MAP3K4: variants seen among roughly 807,000 people sequenced by gnomAD.
The protein encoded by MAP3K4 is mitogen-activated protein kinase kinase kinase 4.
MAP3K4 carries 67 observed loss-of-function variants against 185.6 expected under a neutral mutation model. The ratio of observed to expected loss-of-function variants is 0.36; its 90% CI spans 0.30 to 0.44. MAP3K4 has a LOEUF of 0.44. Among genes scored for constraint, MAP3K4 ranks in the 20% least tolerant of loss-of-function variants. MAP3K4 has a pLI of 1.00. For missense variants in MAP3K4, 1,551 were observed against 1,995.1 expected, an observed-to-expected ratio of 0.78 and a Z score of 4.24; for synonymous variants, 702 against 710.4, an observed-to-expected ratio of 0.99 and a Z score of 0.19.
rs1305635024 is a variant in MAP3K4, at chr6:161,053,315, C to T, written c.1707+3336C>T. ...GGGATGGTACTAAACGGTCACCTCC[C>T]ACCAGGCCCCACCCCCAACATTGGG... On this transcript the variant is annotated intron_variant, in intron 3 of 26. Coordinates refer to ENST00000392142, the MANE Select transcript of MAP3K4 (RefSeq NM_005922.4). The surrounding 1 kb of genome is among the most constrained non-coding windows in gnomAD (Gnocchi z 4.2). 6.6e-6 allele frequency among the ~76,000 whole-genome samples: 1 copy of T among 152,180 alleles called. No individual in the cohort carries two copies. The highest frequency in any genetic ancestry group is 1.5e-5 in the Non-Finnish European group (1 of 68,026).
intron 1 of MAP3K4, among the ~76,000 whole-genome samples, chr6:161,018,469 G>C (rs1782218041): frequency 1.3e-5 from 2 of 152,142 alleles, no homozygotes; most frequent in African/African-American, 4.8e-5. Context: ...AAGGATCACA[G>C]CTTAGTAGTG....
rs146152291 is a variant in MAP3K4, at chr6:160,996,284, C to G, written c.152+4201C>G. Among the ~76,000 whole-genome samples, 579 of 152,272 alleles carry G rather than the reference C, an allele frequency of 3.8e-3. 7 individuals carry two copies. Among genetic ancestry groups the G allele is most frequent in the African/African-American group, 0.013 (540 of 41,558 alleles). On this transcript the variant is annotated intron_variant, in intron 1 of 26. Transcript: ENST00000392142. The surrounding 1 kb of genome is among the most constrained non-coding windows in gnomAD (Gnocchi z 4.5). Reference sequence around the variant, plus strand: ...CACCAAACAGCAGTGATGGCAGAAACTTCATGTTTTCAACTGGGGACTTGT... The same window carrying G: ...CACCAAACAGCAGTGATGGCAGAAAGTTCATGTTTTCAACTGGGGACTTGT...
rs1265602031 is a variant in MAP3K4, at chr6:161,087,571, C to T, written c.2557-117C>T. 11 of 1,023,432 alleles carry T rather than the reference C, an allele frequency of 1.1e-5. No homozygotes were observed. The East Asian group carries it at 2.5e-4, about 23-fold the overall frequency. 63.4% of individuals were successfully genotyped at this position (1,023,432 alleles called of 1,614,324 possible). A position where few individuals can be genotyped will look rare whatever the true frequency, so the allele number is the denominator to read the frequency against. On this transcript the variant is annotated intron_variant, in intron 9 of 26. Transcript: ENST00000392142. The surrounding 1 kb of genome is among the most constrained non-coding windows in gnomAD (Gnocchi z 4.9). ...CTGCAGTTCCCTCACTGCTCCAATT[C>T]ATGCCCTTCCCACTTTCCCTTTCCC...
rs931595279 is a variant in MAP3K4, at chr6:161,054,520, T to C, written c.1707+4541T>C. 1.3e-5 allele frequency among the ~76,000 whole-genome samples: 2 copies of C among 152,102 alleles called. No homozygotes were observed. Among genetic ancestry groups the C allele is most frequent in the African/African-American group, 4.8e-5 (2 of 41,354 alleles). On this transcript the variant is annotated intron_variant, in intron 3 of 26. Coordinates refer to ENST00000392142, the MANE Select transcript of MAP3K4 (RefSeq NM_005922.4). This position sits in a 1 kb window ranked among gnomAD's most constrained non-coding sequence, Gnocchi z 4.2. ...TATTTTAAAAGAACTGAACTAGCAATACTAAAAAAAAATCTGTTTGCAGTT... is the reference window on the plus strand; with the variant it reads ...TATTTTAAAAGAACTGAACTAGCAACACTAAAAAAAAATCTGTTTGCAGTT...
chr6:161,065,830 C>G (rs1246808), intron 3 of MAP3K4, among the ~76,000 whole-genome samples: 6 of 143,654 alleles, frequency 4.2e-5, no homozygotes, highest in African/African-American at 1.3e-4. Flanking sequence ...CCCAGCTACT[C>G]GGGAGGCTGA....
intron 1 of MAP3K4, among the ~76,000 whole-genome samples, chr6:161,011,418 G>C (rs1319200172): frequency 6.6e-6 from 1 of 152,158 alleles, no homozygotes; most frequent in Non-Finnish European, 1.5e-5. Flanking sequence ...GTGTCTGAGT[G>C]AAATGGTGGC....
At chr6:161,038,792 C>G (rs1042441474) in intron 2 of MAP3K4, among the ~76,000 whole-genome samples, 3 of 152,136 alleles carry the variant, frequency 2.0e-5, no homozygotes, top group Non-Finnish European at 4.4e-5. Flanking sequence ...AGTCTGAGCC[C>G]TCATTTTTTT....
Position 161,048,862 on chromosome 6 carries a change from A to C in MAP3K4, c.590A>C (p.Lys197Thr), listed in dbSNP as rs1783870519. ...PYLSLGCSNA[K>T]LPVSVPMPIA... ...CTCAGCCTTGGCTGTAGCAATGCTA[A>C]GCTTCCAGTATCTGTGCCCATGCCT... is the stretch of plus-strand genomic sequence containing the variant. The change falls in exon 3 of 27, where the codon AAG becomes ACG. Residue 197 changes from lysine to threonine, a missense_variant. Physicochemically the swap from Lys to Thr is moderately conservative, Grantham distance 78. This residue lies in a region of MAP3K4 where 287 missense variants were observed against 268.8 expected (regional missense o/e 1.07). Coordinates refer to ENST00000392142, the MANE Select transcript of MAP3K4 (RefSeq NM_005922.4). This position sits in a 1 kb window ranked among gnomAD's most constrained non-coding sequence, Gnocchi z 4.7. 1.2e-6 allele frequency: 2 copies of C among 1,614,094 alleles called. No homozygotes were observed. The highest frequency in any genetic ancestry group is 2.2e-5 in the South Asian group (2 of 91,094).
chr6:161,102,302 G>C (rs1385967661), intron 18 of MAP3K4, among the ~76,000 whole-genome samples: 1 of 152,182 alleles, frequency 6.6e-6, no homozygotes, highest in Non-Finnish European at 1.5e-5. Flanking sequence ...AAATACAAAA[G>C]TGACACTGTG....
intron 1 of MAP3K4, among the ~76,000 whole-genome samples, chr6:161,002,055 T>G (rs990111373): frequency 1.9e-4 from 28 of 150,866 alleles, no homozygotes; most frequent in Non-Finnish European, 3.3e-4. Context: ...AAAAGGTTTT[T>G]TTTTTTTTTT....
At chr6:161,078,191 G>A (rs956418822) in intron 5 of MAP3K4, among the ~76,000 whole-genome samples, 1 of 152,166 alleles carries the variant, frequency 6.6e-6, no homozygotes, top group Admixed American at 6.5e-5. Flanking sequence ...GAAGGAAAGT[G>A]AGCTAAGTAG....
intron 1 of MAP3K4, among the ~76,000 whole-genome samples, chr6:161,010,342 T>A (rs966067138): frequency 9.2e-5 from 14 of 152,216 alleles, no homozygotes; most frequent in East Asian, 5.8e-4. Flanking sequence ...ACAACTTTTT[T>A]AAAAGTATTT....
In MAP3K4 at chr6:161,114,346, A is replaced by AAACCTTCATTTCTAAGTTAAAAGTTAGT. The variant is rs1281979164; in HGVS notation, c.4627-776_4627-749dup. Among the ~76,000 whole-genome samples the AAACCTTCATTTCTAAGTTAAAAGTTAGT allele has an allele frequency of 3.3e-5, 5 of 152,252 alleles. No homozygotes were observed. ...TACAGTATTATAGCAAAAAAGTTAG[A>AAACCTTCATTTCTAAGTTAAAAGTTAGT]AACCTTCATTTCTAAGTTAAAAGTT... On this transcript the variant is annotated intron_variant, in intron 25 of 26. Transcript: ENST00000392142. This position sits in a 1 kb window ranked among gnomAD's most constrained non-coding sequence, Gnocchi z 4.3.
Position 161,093,061 on chromosome 6 carries a change from G to A in MAP3K4, c.3348+5G>A. ...TTACCAGAAGATGACTTCTTGGTAT[G>A]GATTATTCTAAAGTTTTTTTCATTA... On this transcript the variant is annotated splice_donor_5th_base_variant and intron_variant, in intron 14 of 26. Coordinates refer to ENST00000392142, the MANE Select transcript of MAP3K4 (RefSeq NM_005922.4). The surrounding 1 kb of genome is among the most constrained non-coding windows in gnomAD (Gnocchi z 5.2). 6.3e-7 allele frequency: 1 copy of A among 1,598,418 alleles called. No individual in the cohort carries two copies. The highest frequency in any genetic ancestry group is 1.1e-5 in the South Asian group (1 of 89,822).
Position 161,098,467 on chromosome 6 carries a change from C to T in MAP3K4, c.3674+40C>T, listed in dbSNP as rs201437607. The T allele has an allele frequency of 9.5e-6, 15 of 1,580,814 alleles. No homozygotes were observed. In the East Asian group the frequency reaches 3.2e-4, roughly 33 times the overall value. ...CCAGTGTCCCGTACCCTCACCACCCCTTACATGCGCTTACACAGCAACCAT... is the reference window on the plus strand; with the variant it reads ...CCAGTGTCCCGTACCCTCACCACCCTTTACATGCGCTTACACAGCAACCAT... On this transcript the variant is annotated intron_variant, in intron 17 of 26. Coordinates refer to ENST00000392142, the MANE Select transcript of MAP3K4 (RefSeq NM_005922.4). This position sits in a 1 kb window ranked among gnomAD's most constrained non-coding sequence, Gnocchi z 4.4.
rs139061868 is a variant in MAP3K4 at position 161,056,592 on chromosome 6, A to G, written c.1707+6613A>G. Among the ~76,000 whole-genome samples, 1,494 of 152,264 alleles carry G rather than the reference A, an allele frequency of 9.8e-3. 11 individuals are homozygous for G. Among genetic ancestry groups the G allele is most frequent in the Non-Finnish European group, 0.015 (1,023 of 68,006 alleles). On this transcript the variant is annotated intron_variant, in intron 3 of 26. Coordinates refer to ENST00000392142, the MANE Select transcript of MAP3K4 (RefSeq NM_005922.4). This position sits in a 1 kb window ranked among gnomAD's most constrained non-coding sequence, Gnocchi z 5.4. ...CTACAATTAATTACATGTTTGTTCAACCCTACCATACGTGTAAAGTAGTTT... is the reference window on the plus strand; with the variant it reads ...CTACAATTAATTACATGTTTGTTCAGCCCTACCATACGTGTAAAGTAGTTT...
intron 13 of MAP3K4, among the ~76,000 whole-genome samples, chr6:161,092,498 A>G (rs75057969): frequency 2.9e-3 from 438 of 152,300 alleles, no homozygotes; most frequent in Non-Finnish European, 4.8e-3. Flanking sequence ...GAGGCTCAAT[A>G]CTAGCTCCAC....
chr6:161,034,397 C>G lies in MAP3K4; in HGVS notation c.291C>G (p.Thr97=). 6.2e-7 allele frequency: 1 copy of G among 1,613,902 alleles called. No homozygotes were observed. The highest frequency in any genetic ancestry group is 8.5e-7 in the Non-Finnish European group (1 of 1,179,886). The change falls in exon 2 of 27, where the codon ACC becomes ACG. Residue 97 remains threonine (T), a synonymous_variant. Coordinates refer to ENST00000392142, the MANE Select transcript of MAP3K4 (RefSeq NM_005922.4). The surrounding 1 kb of genome is among the most constrained non-coding windows in gnomAD (Gnocchi z 4.4). ...CTCGACAGATGAAACGCATGTCAAC[C>G]AAACATCAGAGGAATAATGTGGGGA... is the stretch of plus-strand genomic sequence containing the variant. ...STPRQMKRMS[T]KHQRNNVGRP... is the part of the protein sequence containing the mutation.
chr6:160,997,974 T>A (rs1253918763), intron 1 of MAP3K4, among the ~76,000 whole-genome samples: 3 of 152,106 alleles, frequency 2.0e-5, no homozygotes, highest in African/African-American at 7.2e-5. Flanking sequence ...GTGATGTTAA[T>A]CCCCAGAGAA....
Sources: allele counts gnomAD v4.1 joint callset (sites outside exome capture counted in the v4.1 genomes callset), GRCh38; gene constraint gnomAD v4.1.1; regional missense constraint gnomAD v4.1.1; non-coding constraint Gnocchi (gnomAD v3.1); transcripts MANE v1.5; gene names NCBI Gene and HGNC (gene_info 2026-07-23, HGNC 2026-07-21).